The following CPLANE1 variants were observed in gnomAD, a reference collection of about 807,000 sequenced individuals.
CPLANE1 encodes the protein ciliogenesis and planar polarity effector complex subunit 1, also known as ciliogenesis and planar polarity effector 1.
Under a neutral mutation model 362.5 loss-of-function variants are expected in CPLANE1, and 263 were observed. The observed-to-expected ratio is 0.73, with a 90% CI of 0.66 to 0.80. CPLANE1 has a LOEUF of 0.80. Among genes scored for constraint, CPLANE1 ranks in the 30% least tolerant of loss-of-function variants. The pLI, the probability that CPLANE1 is intolerant of heterozygous loss-of-function variation, is 0.00. For synonymous variants in CPLANE1, 1,212 were observed against 1,302.6 expected, an observed-to-expected ratio of 0.93 and a Z score of 1.50; for missense variants, 3,461 against 3,793.4, an observed-to-expected ratio of 0.91 and a Z score of 2.30.
At chr5:37,101,111 G>C in the CPLANE1 span, among the ~76,000 whole-genome samples, 1 of 152,054 alleles carries the variant, frequency 6.6e-6, no homozygotes, top group Non-Finnish European at 1.5e-5. Flanking sequence ...TCTTTCTCTT[G>C]CCTGATTTCC....
At position 37,167,116 on chromosome 5, in the gene CPLANE1, C is replaced by T. The variant is rs751548147; in HGVS notation, c.7331G>A (p.Gly2444Glu). 12 of 1,612,568 alleles carry T rather than the reference C, an allele frequency of 7.4e-6. No homozygotes were observed. In the East Asian group the frequency reaches 2.5e-4, roughly 33 times the overall value. ...THNLFEQGDA[G>E]HLQLLKVKIE... is the part of the protein sequence containing the mutation. ...TTTGACCTTTAGAAGTTGAAGGTGT[C>T]CAGCATCACCTTGTTCAAATAAATT... The change falls in exon 35 of 53, where the codon GGA becomes GAA. Residue 2444 changes from glycine to glutamate, a missense_variant. By Grantham distance (98) the Gly-to-Glu change is moderately conservative. Coordinates refer to ENST00000651892, the MANE Select transcript of CPLANE1 (RefSeq NM_001384732.1).
At chr5:37,077,155 G>C in the CPLANE1 span, among the ~76,000 whole-genome samples, 1 of 152,038 alleles carries the variant, frequency 6.6e-6, no homozygotes, top group Non-Finnish European at 1.5e-5. Context: ...CCCTTGCTTG[G>C]GGTATAGGTG....
chr5:37,127,861 G>A (rs1764663037), intron 46 of CPLANE1, among the ~76,000 whole-genome samples: 1 of 151,512 alleles, frequency 6.6e-6, no homozygotes, highest in African/African-American at 2.4e-5. Flanking sequence ...TTGTGTTTTT[G>A]AAATCTCATC....
the CPLANE1 span, among the ~76,000 whole-genome samples, chr5:37,086,885 G>A: frequency 2.0e-5 from 3 of 152,238 alleles, no homozygotes; most frequent in Non-Finnish European, 4.4e-5. Context: ...TGGTGACCCC[G>A]ATGTGACCAA....
At chr5:37,118,541 A>C (rs1376998833) in intron 50 of CPLANE1, among the ~76,000 whole-genome samples, 1 of 151,978 alleles carries the variant, frequency 6.6e-6, no homozygotes, top group Admixed American at 6.6e-5. Flanking sequence ...CTCTAGACCC[A>C]CCCTCGGATT....
chr5:37,143,183 C>A (rs1770333410), intron 43 of CPLANE1, among the ~76,000 whole-genome samples: 1 of 152,146 alleles, frequency 6.6e-6, no homozygotes, highest in Admixed American at 6.5e-5. Flanking sequence ...TCAACGATAG[C>A]AAAAAGCAAA....
chr5:37,124,343 C>T (rs1040298482), intron 47 of CPLANE1, among the ~76,000 whole-genome samples: 6 of 151,782 alleles, frequency 4.0e-5, no homozygotes, highest in African/African-American at 1.5e-4. Context: ...TTTGTTTTAC[C>T]ATCTGAAGAA....
At chr5:37,088,582 C>T in the CPLANE1 span, among the ~76,000 whole-genome samples, 5 of 152,088 alleles carry the variant, frequency 3.3e-5, no homozygotes, top group African/African-American at 1.2e-4. Context: ...GATAAAAACG[C>T]CAACCCCATA....
intron 43 of CPLANE1, 94 bp downstream of exon 43, chr5:37,148,087 A>C: frequency 1.3e-6 from 1 of 742,096 alleles, no homozygotes. Context: ...CATAATGAAA[A>C]CTACTCCTAC....
chr5:37,234,874 T>C (rs1358663970), intron 8 of CPLANE1, among the ~76,000 whole-genome samples: 1 of 152,206 alleles, frequency 6.6e-6, no homozygotes, highest in African/African-American at 2.4e-5. Flanking sequence ...TATTATTTCA[T>C]AATAGTCTTA....
chr5:37,105,239 G>A (rs1206617565), downstream of CPLANE1, among the ~76,000 whole-genome samples: 1 of 152,184 alleles, frequency 6.6e-6, no homozygotes, highest in African/African-American at 2.4e-5. Flanking sequence ...GGTCAAGGCT[G>A]CAGTGAGCCA....
downstream of CPLANE1, among the ~76,000 whole-genome samples, chr5:37,101,531 T>C (rs1349733297): frequency 1.3e-5 from 2 of 152,216 alleles, no homozygotes; most frequent in Non-Finnish European, 2.9e-5. Context: ...AATTTTTGTA[T>C]CAATGTTCAT....
At chr5:37,125,519 A>G (rs1489103053) in intron 46 of CPLANE1, 110 bp from the exon 47 acceptor site, 11 of 988,040 alleles carry the variant, frequency 1.1e-5, no homozygotes, top group Non-Finnish European at 1.7e-5. Context: ...CATCTTCAAA[A>G]GTAGTATATA....
Position 37,153,871 on chromosome 5 carries a change from C to T in CPLANE1, c.8242G>A (p.Ala2748Thr), listed in dbSNP as rs749132510. Residue 2748 changes from alanine (A) to threonine (T), a missense_variant, in exon 42 of 53, where the codon GCT (alanine) becomes ACT (threonine). Ala to Thr is a moderately conservative substitution (Grantham distance 58). This residue lies in a region of CPLANE1 where 3,380 missense variants were observed against 3,666.1 expected (regional missense o/e 0.92). Coordinates refer to ENST00000651892, the MANE Select transcript of CPLANE1 (RefSeq NM_001384732.1). Reference protein sequence around the residue: ...SAACPAPSSAAHQLEHLSAKL... With the variant: ...SAACPAPSSATHQLEHLSAKL... ...GCACTGAGATGCTCTAGTTGGTGAGCTGCAGAGCTTGGTGCAGGGCAAGCT... is the reference window on the plus strand; with the variant it reads ...GCACTGAGATGCTCTAGTTGGTGAGTTGCAGAGCTTGGTGCAGGGCAAGCT... 9.3e-6 allele frequency: 15 copies of T among 1,614,002 alleles called. No individual in the cohort carries two copies. The South Asian group carries it at 1.2e-4, about 13-fold the overall frequency.
In CPLANE1 at chr5:37,108,361, CCA is replaced by C. The variant is rs1561274580; in HGVS notation, c.9509_9510del (p.Val3170GlyfsTer12). ...VCVEYEREET[V>X]VSPWTIPSEI... ...TCTGAAGGTATCGTCCAGGGACTCA[CCA>C]CAGTCTCCTCTCTTTCATACTCTAC... is the stretch of plus-strand genomic sequence containing the variant. On this transcript the variant is annotated frameshift_variant, in exon 52 of 53. Transcript: ENST00000651892. LOFTEE classifies it high-confidence loss of function. The C allele has an allele frequency of 1.2e-6, 2 of 1,614,156 alleles. No individual in the cohort carries two copies. Among genetic ancestry groups the C allele is most frequent in the South Asian group, 2.2e-5 (2 of 91,082 alleles).
rs891014599 is a variant in CPLANE1 at position 37,191,604 on chromosome 5, G to A, written c.3812-3762C>T. ...GAAAAATGCCTGAACCCGGGAGGCA[G>A]AGGCTGCAGTGAGACAAGATGGCAC... On this transcript the variant is annotated intron_variant, in intron 21 of 52. Transcript: ENST00000651892. 3.3e-5 allele frequency among the ~76,000 whole-genome samples: 5 copies of A among 152,210 alleles called. 1 individual carries two copies. The East Asian group carries it at 9.6e-4, about 29-fold the overall frequency.
rs577962368 is a variant in CPLANE1, at chr5:37,211,679, C to G, written c.2920+1880G>C. On this transcript the variant is annotated intron_variant, in intron 16 of 52. Coordinates refer to ENST00000651892, the MANE Select transcript of CPLANE1 (RefSeq NM_001384732.1). ...CCAGTCCTTATCCTGACAGAATGCC[C>G]CCGCCATCACCCGCTGAGTCTAGGC... 94 of 784,728 alleles carry G rather than the reference C, an allele frequency of 1.2e-4. No homozygotes were observed. In the South Asian group the frequency reaches 1.3e-3, roughly 10 times the overall value. The allele number at this position is 784,728 out of a possible 1,614,324, so 48.6% of individuals were successfully genotyped here.
the CPLANE1 span, among the ~76,000 whole-genome samples, chr5:37,098,479 C>T: frequency 7.0e-6 from 1 of 143,102 alleles, no homozygotes; most frequent in Non-Finnish European, 1.5e-5. Context: ...AACATAGAAA[C>T]ATTGGAATTA....
chr5:37,154,758 C>T (rs1774578641), intron 41 of CPLANE1, among the ~76,000 whole-genome samples: 1 of 152,124 alleles, frequency 6.6e-6, no homozygotes, highest in African/African-American at 2.4e-5. Flanking sequence ...CCCACTTTCT[C>T]TGAGTTATGT....
Sources: gnomAD v4.1 joint callset for allele counts (sites outside exome capture counted in the v4.1 genomes callset) on GRCh38, gnomAD v4.1.1 for gene constraint, gnomAD v4.1.1 regional missense constraint, MANE v1.5 for transcripts, NCBI Gene and HGNC (gene_info 2026-07-23, HGNC 2026-07-21) for gene names.